The following OMA1 variants were observed in gnomAD, a reference collection of about 807,000 sequenced individuals.
The protein encoded by OMA1 is OMA1 zinc metallopeptidase.
In OMA1, 38 loss-of-function variants were observed where a neutral mutation model predicts 30.9. That is an observed-to-expected ratio of 1.23 (90% CI 0.95 to 1.61). OMA1 has a LOEUF of 1.61. OMA1 is among the 40% of genes most tolerant of loss of function. OMA1 has a pLI of 0.00. For missense variants in OMA1, 461 were observed against 349.2 expected (o/e 1.32, Z -2.55); for synonymous variants, 173 against 121.9 (o/e 1.42, Z -2.76).
intron 8 of OMA1, among the ~76,000 whole-genome samples, chr1:58,481,606 T>A (rs1376686056): frequency 6.6e-6 from 1 of 152,146 alleles, no homozygotes; most frequent in African/African-American, 2.4e-5. Flanking sequence ...TGATACAGTC[T>A]TGGGTAAAAT....
intron 7 of OMA1, among the ~76,000 whole-genome samples, chr1:58,518,556 G>C (rs1311449979): frequency 6.6e-6 from 1 of 151,606 alleles, no homozygotes; most frequent in East Asian, 2.0e-4. Flanking sequence ...AACATACTGA[G>C]ATATATTTTA....
intron 1 of OMA1, among the ~76,000 whole-genome samples, chr1:58,540,449 C>T (rs1646588565): frequency 6.6e-6 from 1 of 151,466 alleles, no homozygotes; most frequent in Non-Finnish European, 1.5e-5. Flanking sequence ...CAAATAACAG[C>T]ATTAGTAGAT....
At chr1:58,525,053 TTC>T (rs1295485433) in intron 7 of OMA1, among the ~76,000 whole-genome samples, 2 of 152,226 alleles carry the variant, frequency 1.3e-5, no homozygotes, top group Non-Finnish European at 1.5e-5. Flanking sequence ...TACTGCATCT[TTC>T]TGTTTGTTTA....
intron 8 of OMA1, among the ~76,000 whole-genome samples, chr1:58,492,561 C>A (rs1234631545): frequency 2.0e-5 from 3 of 152,070 alleles, no homozygotes; most frequent in African/African-American, 7.2e-5. Context: ...CAAATAGACA[C>A]AATAAAAAAT....
In OMA1 at chr1:58,519,752, T is replaced by C. The variant is rs138202122; in HGVS notation, c.1215+7509A>G. Among the ~76,000 whole-genome samples the C allele has an allele frequency of 3.9e-5, 6 of 152,048 alleles. No individual in the cohort carries two copies. The East Asian group carries it at 1.2e-3, about 29-fold the overall frequency. Reference sequence around the variant, plus strand: ...TAAGAAACATGAATTTTTAAAAAAATATATGATTAACATATTCAAGAAAAT... The same window carrying C: ...TAAGAAACATGAATTTTTAAAAAAACATATGATTAACATATTCAAGAAAAT... On this transcript the variant is annotated intron_variant, in intron 7 of 8. Transcript: ENST00000371226.
chr1:58,485,677 A>G (rs939744965), intron 8 of OMA1, among the ~76,000 whole-genome samples: 1 of 151,984 alleles, frequency 6.6e-6, no homozygotes. Flanking sequence ...TATAAATTCT[A>G]ATCTATCTTA....
chr1:58,506,034 T>C, intron 8 of OMA1, 26 bp downstream of exon 8: 1 of 829,766 alleles, frequency 1.2e-6, no homozygotes, highest in Non-Finnish European at 2.1e-6. Context: ...AAAAATAATG[T>C]CCCGCCTTCT....
intron 8 of OMA1, among the ~76,000 whole-genome samples, chr1:58,504,566 T>C (rs1446711733): frequency 1.3e-5 from 2 of 152,228 alleles, no homozygotes; most frequent in African/African-American, 2.4e-5. Context: ...GTTTGTTTCT[T>C]ATTTGCATTA....
At chr1:58,495,445 T>A (rs1355119406) in intron 8 of OMA1, among the ~76,000 whole-genome samples, 1 of 152,084 alleles carries the variant, frequency 6.6e-6, no homozygotes, top group African/African-American at 2.4e-5. Context: ...TTCCTTTTTT[T>A]AGGATTTAGT....
intron 8 of OMA1, among the ~76,000 whole-genome samples, chr1:58,487,248 GAC>G (rs899823277): frequency 6.6e-6 from 1 of 152,188 alleles, no homozygotes; most frequent in African/African-American, 2.4e-5. Context: ...TCATGAATAG[GAC>G]ACAGAAGTGA....
chr1:58,527,497 C>A (rs1455575777), intron 6 of OMA1, among the ~76,000 whole-genome samples, 162 bp from the exon 7 acceptor site: 3 of 152,068 alleles, frequency 2.0e-5, no homozygotes, highest in African/African-American at 4.8e-5. Context: ...AATATAAACA[C>A]AGCCTTTATT....
At chr1:58,491,314 C>A (rs970536285) in intron 8 of OMA1, among the ~76,000 whole-genome samples, 4 of 152,106 alleles carry the variant, frequency 2.6e-5, no homozygotes, top group African/African-American at 9.7e-5. Context: ...AAAAACATGC[C>A]AAATTGTAAA....
intron 7 of OMA1, among the ~76,000 whole-genome samples, chr1:58,510,910 C>T (rs925046287): frequency 6.6e-6 from 1 of 151,926 alleles, no homozygotes; most frequent in African/African-American, 2.4e-5. Flanking sequence ...TTAAACCAAA[C>T]TAAGGAGGTG....
intron 7 of OMA1, among the ~76,000 whole-genome samples, chr1:58,520,310 A>G (rs1375583003): frequency 2.6e-5 from 4 of 152,208 alleles, no homozygotes; most frequent in South Asian, 2.1e-4. Context: ...TGCAAGACAC[A>G]TATCTGACAA....
Position 58,492,022 on chromosome 1 carries a change from A to T in OMA1, c.1366-10848T>A, listed in dbSNP as rs146206644. On this transcript the variant is annotated intron_variant, in intron 8 of 8. Coordinates refer to ENST00000371226, the MANE Select transcript of OMA1 (RefSeq NM_145243.5). ...TTGACCACATAGTTGGAAGTAAAGC[A>T]CTCCTCAGCAAATTAAAAGAACAGA... Among the ~76,000 whole-genome samples, 928 of 152,208 alleles carry T rather than the reference A, an allele frequency of 6.1e-3. 4 individuals are homozygous for T. Among genetic ancestry groups the T allele is most frequent in the Non-Finnish European group, 0.011 (716 of 68,000 alleles).
At chr1:58,493,121 T>A (rs1319056286) in intron 8 of OMA1, among the ~76,000 whole-genome samples, 1 of 151,898 alleles carries the variant, frequency 6.6e-6, no homozygotes, top group Non-Finnish European at 1.5e-5. Flanking sequence ...CATACGCAAA[T>A]CAATAAACGT....
At chr1:58,525,935 G>C (rs1646342265) in intron 7 of OMA1, among the ~76,000 whole-genome samples, 1 of 151,992 alleles carries the variant, frequency 6.6e-6, no homozygotes, top group Non-Finnish European at 1.5e-5. Flanking sequence ...AAGAGACACT[G>C]AAGTCTGGTG....
chr1:58,496,273 C>A (rs1645801141), intron 8 of OMA1, among the ~76,000 whole-genome samples: 1 of 151,994 alleles, frequency 6.6e-6, no homozygotes, highest in African/African-American at 2.4e-5. Flanking sequence ...CTCTTTACAG[C>A]CTCCACCGAA....
chr1:58,515,275 C>G (rs1411144792), intron 7 of OMA1, among the ~76,000 whole-genome samples: 1 of 152,192 alleles, frequency 6.6e-6, no homozygotes, highest in African/African-American at 2.4e-5. Flanking sequence ...GCCAATCCCT[C>G]ACACCAAGAG....
Sources: gnomAD v4.1 joint callset for allele counts (sites outside exome capture counted in the v4.1 genomes callset) on GRCh38, gnomAD v4.1.1 for gene constraint, MANE v1.5 for transcripts, NCBI Gene and HGNC (gene_info 2026-07-23, HGNC 2026-07-21) for gene names.